The following SYT9 variants were observed in gnomAD, a reference collection of about 807,000 sequenced individuals.
SYT9 encodes the protein synaptotagmin 9, also known as synaptotagmin-9.
A neutral mutation model predicts 48.4 loss-of-function variants in SYT9; 22 were observed. The ratio of observed to expected loss-of-function variants is 0.45; its 90% CI spans 0.32 to 0.65. The LOEUF (loss-of-function observed/expected upper bound fraction) is 0.65. Among genes scored for constraint, SYT9 ranks in the 30% least tolerant of loss-of-function variants. SYT9 has a pLI of 0.03. For synonymous variants in SYT9, 265 were observed against 245.0 expected (o/e 1.08, Z -0.76); for missense variants, 577 against 622.0 (o/e 0.93, Z 0.77).
At chr11:7,444,684 G>C (rs768387005) in intron 6 of SYT9, 4 of 152,114 alleles carry the variant, frequency 2.6e-5, no homozygotes, top group Non-Finnish European at 4.4e-5. Context: ...GCAGAGCCGA[G>C]AGTATCTCCT....
chr11:7,317,256 C>A (rs528963198), intron 3 of SYT9, among the ~76,000 whole-genome samples: 2 of 152,264 alleles, frequency 1.3e-5, no homozygotes, highest in South Asian at 4.1e-4. Flanking sequence ...TGATTTTAAT[C>A]CATCTAGAAT....
At position 7,468,188 on chromosome 11, in the gene SYT9, T is replaced by G; in HGVS notation, c.*1388T>G. 1 of 398,484 alleles carries G rather than the reference T, an allele frequency of 2.5e-6. No individual in the cohort carries two copies. Among genetic ancestry groups the G allele is most frequent in the East Asian group, 3.6e-5 (1 of 28,068 alleles). The allele number at this position is 398,484 out of a possible 1,614,324, so 24.7% of individuals were successfully genotyped here. A position where few individuals can be genotyped will look rare whatever the true frequency, so the allele number is the denominator to read the frequency against. On this transcript the variant is annotated 3_prime_UTR_variant, in exon 7 of 7. Coordinates refer to ENST00000318881, the MANE Select transcript of SYT9 (RefSeq NM_175733.4). ...ATCCAGAGTTGGATTGTAGTTTACCTTCCTGGAAAGCTCATTATCTCTGTT... is the reference window on the plus strand; with the variant it reads ...ATCCAGAGTTGGATTGTAGTTTACCGTCCTGGAAAGCTCATTATCTCTGTT...
At chr11:7,349,762 G>T (rs951665258) in intron 3 of SYT9, among the ~76,000 whole-genome samples, 11 of 152,164 alleles carry the variant, frequency 7.2e-5, no homozygotes, top group Non-Finnish European at 1.5e-4. Context: ...GGTATAGAAG[G>T]GTTCATTACT....
chr11:7,247,669 T>TAC (rs1554895401), upstream of SYT9, among the ~76,000 whole-genome samples: 13 of 132,888 alleles, frequency 9.8e-5, no homozygotes, highest in Admixed American at 6.5e-4. Context: ...TATGTATATA[T>TAC]ACGTATATAT....
chr11:7,411,214 T>C (rs554985955), intron 3 of SYT9, among the ~76,000 whole-genome samples: 2 of 152,308 alleles, frequency 1.3e-5, no homozygotes, highest in South Asian at 4.1e-4. Context: ...TGTTTTCTGA[T>C]CGTTTTGTAT....
chr11:7,325,404 C>T (rs1849414046), intron 3 of SYT9, among the ~76,000 whole-genome samples: 2 of 136,752 alleles, frequency 1.5e-5, no homozygotes, highest in East Asian at 2.1e-4. Context: ...CATGATTTGG[C>T]TCTCTGTTTG....
At chr11:7,315,646 T>C (rs954607860) in intron 3 of SYT9, among the ~76,000 whole-genome samples, 1 of 152,212 alleles carries the variant, frequency 6.6e-6, no homozygotes, top group African/African-American at 2.4e-5. Context: ...CAACGTTGAC[T>C]GCGCAGTGGC....
At chr11:7,297,125 A>C (rs1589923128) in intron 1 of SYT9, among the ~76,000 whole-genome samples, 1 of 152,042 alleles carries the variant, frequency 6.6e-6, no homozygotes, top group East Asian at 1.9e-4. Context: ...AGAGAGAGAG[A>C]GATCAGATTT....
chr11:7,401,096 A>G (rs1846881885), intron 3 of SYT9, among the ~76,000 whole-genome samples: 1 of 152,082 alleles, frequency 6.6e-6, no homozygotes, highest in Non-Finnish European at 1.5e-5. Flanking sequence ...GGTGATGCCA[A>G]ACCACCACAG....
At chr11:7,245,055 A>T (rs1847777223) in intron 1 of SYT9, among the ~76,000 whole-genome samples, 1 of 152,250 alleles carries the variant, frequency 6.6e-6, no homozygotes, top group African/African-American at 2.4e-5. Flanking sequence ...CAAAAAGTGG[A>T]TAAAGATACC....
At chr11:7,358,285 T>G (rs1025692333) in intron 3 of SYT9, among the ~76,000 whole-genome samples, 3 of 152,180 alleles carry the variant, frequency 2.0e-5, no homozygotes, top group Non-Finnish European at 4.4e-5. Context: ...AGTTATGGTT[T>G]TTTTGGCTGG....
chr11:7,386,287 A>C (rs1850656151), intron 3 of SYT9, among the ~76,000 whole-genome samples: 1 of 152,170 alleles, frequency 6.6e-6, no homozygotes, highest in African/African-American at 2.4e-5. Context: ...AAAAGCCAAA[A>C]TTGACAAATA....
chr11:7,345,894 T>C (rs1291787990), intron 3 of SYT9, among the ~76,000 whole-genome samples: 3 of 152,192 alleles, frequency 2.0e-5, no homozygotes, highest in Non-Finnish European at 4.4e-5. Flanking sequence ...AAGAAGACCT[T>C]AATCTGAGCA....
intron 1 of SYT9, among the ~76,000 whole-genome samples, chr11:7,267,822 AAAAT>A (rs1488723945): frequency 1.3e-5 from 2 of 151,992 alleles, no homozygotes; most frequent in South Asian, 4.1e-4. Flanking sequence ...TCTGAAATAA[AAAAT>A]AAATAAATAT....
intron 1 of SYT9, among the ~76,000 whole-genome samples, chr11:7,284,958 A>G (rs1050615642): frequency 6.6e-6 from 1 of 152,108 alleles, no homozygotes; most frequent in African/African-American, 2.4e-5. Flanking sequence ...TTCTCTTTAC[A>G]AGACACATTC....
chr11:7,333,851 G>A (rs1849587028), intron 3 of SYT9, among the ~76,000 whole-genome samples: 1 of 152,160 alleles, frequency 6.6e-6, no homozygotes, highest in African/African-American at 2.4e-5. Context: ...GCACATAATG[G>A]CCCTTACCCT....
chr11:7,374,109 C>G (rs1850411568), intron 3 of SYT9, among the ~76,000 whole-genome samples: 1 of 152,018 alleles, frequency 6.6e-6, no homozygotes, highest in South Asian at 2.1e-4. Flanking sequence ...GTGTGATGTT[C>G]CCCTCCCTGT....
intron 4 of SYT9, 136 bp from the exon 5 acceptor site, chr11:7,417,821 C>G (rs1847280218): frequency 2.6e-6 from 2 of 781,820 alleles, no homozygotes; most frequent in Admixed American, 6.3e-5. Context: ...ATATTAATGA[C>G]AGTCCTCCAA....
intron 3 of SYT9, among the ~76,000 whole-genome samples, chr11:7,338,708 A>C (rs573041992): frequency 6.6e-6 from 1 of 152,028 alleles, no homozygotes; most frequent in Non-Finnish European, 1.5e-5. Context: ...ATGATCTGAG[A>C]GTGTGTTTAG....
Sources: gnomAD v4.1 joint callset for allele counts (sites outside exome capture counted in the v4.1 genomes callset) on GRCh38, gnomAD v4.1.1 for gene constraint, MANE v1.5 for transcripts, NCBI Gene and HGNC (gene_info 2026-07-23, HGNC 2026-07-21) for gene names.